Variants in PKNOX2 observed in about 807,000 individuals in gnomAD.
PKNOX2 encodes PBX/knotted 1 homeobox 2.
Under a neutral mutation model 53.1 loss-of-function variants are expected in PKNOX2, and 14 were observed. The ratio of observed to expected loss-of-function variants is 0.26; its 90% confidence interval spans 0.17 to 0.41. The LOEUF (loss-of-function observed/expected upper bound fraction) is 0.41, where lower values mean the gene tolerates loss of function less well. Ranked by LOEUF, PKNOX2 falls within the 10% of genes least tolerant of loss-of-function variation. PKNOX2 has a pLI of 1.00. For synonymous variants in PKNOX2, 257 were observed against 242.8 expected, an observed-to-expected ratio of 1.06 and a Z score of -0.54; for missense variants, 496 against 602.8, an observed-to-expected ratio of 0.82 and a Z score of 1.85.
chr11:125,252,615 G>C (rs1944089458), intron 2 of PKNOX2, among the ~76,000 whole-genome samples: 1 of 152,126 alleles, frequency 6.6e-6, no homozygotes, highest in Non-Finnish European at 1.5e-5. Flanking sequence ...ATGGGCTCTA[G>C]GTTTCTGGTT....
intron 1 of PKNOX2, among the ~76,000 whole-genome samples, chr11:125,170,416 G>A (rs1955198319): frequency 6.6e-6 from 1 of 152,176 alleles, no homozygotes; most frequent in Non-Finnish European, 1.5e-5. Flanking sequence ...GTGGGAGACA[G>A]GGCTGGGGGT....
At position 125,207,180 on chromosome 11, in the gene PKNOX2, A is replaced by G. The variant is rs1053200643; in HGVS notation, c.-200-27865A>G. 3.9e-5 allele frequency among the ~76,000 whole-genome samples: 6 copies of G among 151,932 alleles called. 1 individual carries two copies. Among genetic ancestry groups the G allele is most frequent in the Non-Finnish European group, 8.8e-5 (6 of 67,918 alleles). On this transcript the variant is annotated intron_variant, in intron 1 of 12. Coordinates refer to ENST00000298282, the MANE Select transcript of PKNOX2 (RefSeq NM_001382323.2). ...AGAGGAAAAATAGGTCTTCTGGAAG[A>G]TAGATTCTTCTTCTCTCTCTCTCTT...
At chr11:125,386,805 T>A (rs1343790239) in intron 6 of PKNOX2, among the ~76,000 whole-genome samples, 2 of 151,694 alleles carry the variant, frequency 1.3e-5, no homozygotes, top group Admixed American at 1.3e-4. Flanking sequence ...CTGTGAATTA[T>A]CCACACCACC....
intron 2 of PKNOX2, among the ~76,000 whole-genome samples, chr11:125,302,633 C>T (rs1337722719): frequency 6.6e-6 from 1 of 152,176 alleles, no homozygotes; most frequent in Admixed American, 6.5e-5. Flanking sequence ...TAAAACAAGG[C>T]TGTCCCCAAT....
At chr11:125,379,718 C>T (rs1395382676) in intron 5 of PKNOX2, among the ~76,000 whole-genome samples, 2 of 152,094 alleles carry the variant, frequency 1.3e-5, no homozygotes, top group Non-Finnish European at 2.9e-5. Flanking sequence ...TCGCCTCTCC[C>T]GGGGACAGCT....
intron 1 of PKNOX2, among the ~76,000 whole-genome samples, chr11:125,184,656 C>T (rs1345701410): frequency 6.6e-6 from 1 of 152,162 alleles, no homozygotes; most frequent in Non-Finnish European, 1.5e-5. Context: ...GAGGCTGGAG[C>T]CTCTGGAACC....
At chr11:125,189,571 G>A (rs981351211) in intron 1 of PKNOX2, among the ~76,000 whole-genome samples, 1 of 147,480 alleles carries the variant, frequency 6.8e-6, no homozygotes, top group African/African-American at 2.5e-5. Flanking sequence ...GAAGGTCTTT[G>A]TTGTCTCAAT....
chr11:125,406,536 G>C (rs1036410675), intron 7 of PKNOX2, among the ~76,000 whole-genome samples: 1 of 152,316 alleles, frequency 6.6e-6, no homozygotes, highest in East Asian at 1.9e-4. Flanking sequence ...TTAGCCAAGG[G>C]AAGTGGGAAA....
intron 6 of PKNOX2, among the ~76,000 whole-genome samples, chr11:125,395,516 T>A (rs536791191): frequency 6.6e-6 from 1 of 152,368 alleles, no homozygotes; most frequent in South Asian, 2.1e-4. Flanking sequence ...CCAGAGTGGC[T>A]GTACCATTTT....
chr11:125,176,025 T>A (rs1333460197), intron 1 of PKNOX2, among the ~76,000 whole-genome samples: 1 of 152,122 alleles, frequency 6.6e-6, no homozygotes, highest in Non-Finnish European at 1.5e-5. Context: ...GACAGCCATG[T>A]TTGGGTGATT....
chr11:125,273,598 G>C (rs926714213), intron 2 of PKNOX2, among the ~76,000 whole-genome samples: 2 of 152,170 alleles, frequency 1.3e-5, no homozygotes, highest in Admixed American at 6.5e-5. Context: ...ACAGTGAAGG[G>C]AAGTTGGAAG....
At chr11:125,402,231 C>G (rs745314414) in intron 7 of PKNOX2, among the ~76,000 whole-genome samples, 83 of 152,060 alleles carry the variant, frequency 5.5e-4, no homozygotes, top group Admixed American at 7.2e-4. Flanking sequence ...TTTTCCCCCT[C>G]CCTAGGAACC....
intron 4 of PKNOX2, among the ~76,000 whole-genome samples, chr11:125,355,419 C>T (rs1265140690): frequency 1.3e-5 from 2 of 152,132 alleles, no homozygotes; most frequent in Admixed American, 6.5e-5. Context: ...AACTACAGGA[C>T]CCCAATTTCA....
intron 2 of PKNOX2, among the ~76,000 whole-genome samples, chr11:125,248,343 A>G (rs1371886424): frequency 6.6e-6 from 1 of 152,156 alleles, no homozygotes; most frequent in Non-Finnish European, 1.5e-5. Context: ...TACTGAGCAG[A>G]CTGGAATTAC....
rs1396597691 is a variant in PKNOX2, at chr11:125,411,508, CT to C, written c.817-237del. ...TCTCTCTCTCTCTCTCTCTCTCTCT[CT>C]CCCCCCCTTCCCCATCTCTTCCTCC... is the stretch of plus-strand genomic sequence containing the variant. On this transcript the variant is annotated intron_variant, in intron 9 of 12. Coordinates refer to ENST00000298282, the MANE Select transcript of PKNOX2 (RefSeq NM_001382323.2). 7.0e-4 allele frequency: 311 copies of C among 443,828 alleles called. 1 individual carries two copies. The highest frequency in any genetic ancestry group is 2.2e-3 in the South Asian group (102 of 45,370). The allele number at this position is 443,828 out of a possible 1,614,324, so 27.5% of individuals were successfully genotyped here. A position where few individuals can be genotyped will look rare whatever the true frequency, so the allele number is the denominator to read the frequency against.
At chr11:125,260,596 G>C (rs1216704672) in intron 2 of PKNOX2, among the ~76,000 whole-genome samples, 1 of 152,160 alleles carries the variant, frequency 6.6e-6, no homozygotes, top group Non-Finnish European at 1.5e-5. Flanking sequence ...GACGAGTTCT[G>C]TTGCCTTTGC....
rs564083191 is a variant in PKNOX2 at position 125,337,849 on chromosome 11, C to A, written c.-23+5924C>A. Reference sequence around the variant, plus strand: ...ACCTGGGTTCTAATTAGGGCCCTATCTCCAACTTGCTGCATGGACTTGGGC... The same window carrying A: ...ACCTGGGTTCTAATTAGGGCCCTATATCCAACTTGCTGCATGGACTTGGGC... On this transcript the variant is annotated intron_variant, in intron 3 of 12. Transcript: ENST00000298282. Among the ~76,000 whole-genome samples, 33 of 152,266 alleles carry A rather than the reference C, an allele frequency of 2.2e-4. 1 individual carries two copies. The highest frequency in any genetic ancestry group is 1.2e-3 in the Admixed American group (19 of 15,302).
chr11:125,393,438 G>A (rs1485972871), intron 6 of PKNOX2, among the ~76,000 whole-genome samples: 1 of 152,164 alleles, frequency 6.6e-6, no homozygotes, highest in Non-Finnish European at 1.5e-5. Context: ...GAGGCAACAA[G>A]GTCATCGCCC....
chr11:125,411,595 T>C lies in PKNOX2; in HGVS notation c.817-151T>C, dbSNP rs770052975. The C allele has an allele frequency of 1.1e-5, 13 of 1,145,132 alleles. No individual in the cohort carries two copies. In the East Asian group the frequency reaches 3.3e-4, roughly 29 times the overall value. The allele number at this position is 1,145,132 out of a possible 1,614,324, so 70.9% of individuals were successfully genotyped here. Reference sequence around the variant, plus strand: ...ACCTCCACTCTCTGAGGGGCTGGCATGGGCTGAGAGGGAAAGGTGACCTCC... The same window carrying C: ...ACCTCCACTCTCTGAGGGGCTGGCACGGGCTGAGAGGGAAAGGTGACCTCC... On this transcript the variant is annotated intron_variant, in intron 9 of 12. Coordinates refer to ENST00000298282, the MANE Select transcript of PKNOX2 (RefSeq NM_001382323.2).
Sources: allele counts gnomAD v4.1 joint callset (sites outside exome capture counted in the v4.1 genomes callset), GRCh38; gene constraint gnomAD v4.1.1; transcripts MANE v1.5; gene names NCBI Gene and HGNC (gene_info 2026-07-23, HGNC 2026-07-21).